IQSEC1: variants seen among roughly 807,000 people sequenced by gnomAD.
IQSEC1 encodes IQ motif and SEC7 domain-containing protein 1.
IQSEC1 carries 31 observed loss-of-function variants against 91.0 expected under a neutral mutation model. That is an observed-to-expected ratio of 0.34 (90% CI 0.26 to 0.46). IQSEC1 has a LOEUF of 0.46. IQSEC1 is among the 20% of genes least tolerant of loss of function. IQSEC1 has a pLI of 1.00. For missense variants in IQSEC1, 1,388 were observed against 1,575.6 expected (o/e 0.88, Z 2.02); for synonymous variants, 699 against 662.6 (o/e 1.05, Z -0.84).
In IQSEC1 at chr3:13,282,408, G is replaced by A. The variant is rs945993214; in HGVS notation, c.272+303C>T. ...TCCGCCCGGCTCGTCCGAGCCCCGGGGGTCGCCAACCCTGAGTCCGCGCCG... is the reference window on the plus strand; with the variant it reads ...TCCGCCCGGCTCGTCCGAGCCCCGGAGGTCGCCAACCCTGAGTCCGCGCCG... On this transcript the variant is annotated intron_variant, in intron 1 of 15. Coordinates refer to the IQSEC1 transcript ENST00000648114. This position sits in a 1 kb window ranked among gnomAD's most constrained non-coding sequence, Gnocchi z 6.4. Among the ~76,000 whole-genome samples the A allele has an allele frequency of 3.9e-5, 6 of 152,010 alleles. No homozygotes were observed. Among genetic ancestry groups the A allele is most frequent in the Non-Finnish European group, 8.8e-5 (6 of 67,960 alleles).
At position 12,967,558 on chromosome 3, in the gene IQSEC1, A is replaced by C. The variant is rs1297088848; in HGVS notation, c.24-25693T>G. On this transcript the variant is annotated intron_variant, in intron 1 of 13. Transcript: ENST00000613206. The surrounding 1 kb of genome is among the most constrained non-coding windows in gnomAD (Gnocchi z 5.9). ...CGGATCCCGGGGCCGACACCCGGCCACCCGGAGACCCGACCACCCGCCACG... is the reference window on the plus strand; with the variant it reads ...CGGATCCCGGGGCCGACACCCGGCCCCCCGGAGACCCGACCACCCGCCACG... The C allele has an allele frequency of 7.4e-7, 1 of 1,343,904 alleles. No individual in the cohort carries two copies. Among genetic ancestry groups the C allele is most frequent in the East Asian group, 3.1e-5 (1 of 32,116 alleles). The allele number at this position is 1,343,904 out of a possible 1,614,324, so 83.2% of individuals were successfully genotyped here.
chr3:12,957,965 T>TTTC (rs1700018610), intron 1 of IQSEC1, among the ~76,000 whole-genome samples: 1 of 152,220 alleles, frequency 6.6e-6, no homozygotes, highest in Non-Finnish European at 1.5e-5. Context: ...CATCTTCCCA[T>TTTC]TTTGTGGATG....
At chr3:13,061,091 G>T (rs1020679289) in intron 1 of IQSEC1, among the ~76,000 whole-genome samples, 1 of 152,090 alleles carries the variant, frequency 6.6e-6, no homozygotes, top group African/African-American at 2.4e-5. Flanking sequence ...CCCAGGCCAC[G>T]CGTGGCCTGG....
intron 2 of IQSEC1, among the ~76,000 whole-genome samples, chr3:13,142,987 C>CAA (rs1706826345): frequency 6.6e-6 from 1 of 152,228 alleles, no homozygotes; most frequent in Admixed American, 6.5e-5. Context: ...GTTCTCTTTG[C>CAA]AAATGTCACC....
intron 13 of IQSEC1, 98 bp downstream of exon 13, chr3:12,902,675 A>AAAG (rs1694482463): frequency 1.8e-6 from 1 of 541,778 alleles, no homozygotes; most frequent in African/African-American, 2.0e-5. Flanking sequence ...AAAACCAAAA[A>AAAG]AAAAAAAAAA....
intron 3 of IQSEC1, among the ~76,000 whole-genome samples, chr3:12,932,694 C>T (rs1208766044): frequency 6.6e-6 from 1 of 152,216 alleles, no homozygotes; most frequent in Non-Finnish European, 1.5e-5. Context: ...CGGGTGCAGG[C>T]AGTGAGGCTC....
chr3:13,162,785 G>A (rs996316308), intron 2 of IQSEC1, among the ~76,000 whole-genome samples: 6 of 152,126 alleles, frequency 3.9e-5, no homozygotes, highest in Non-Finnish European at 5.9e-5. Context: ...TCAGGGCCAC[G>A]CTGTGTTCCA....
chr3:13,197,497 C>A (rs761510199), intron 1 of IQSEC1, among the ~76,000 whole-genome samples: 2 of 152,190 alleles, frequency 1.3e-5, no homozygotes, highest in African/African-American at 2.4e-5. Flanking sequence ...AGGCCACTCT[C>A]CACAAGGCTA....
intron 1 of IQSEC1, among the ~76,000 whole-genome samples, chr3:13,016,219 G>A (rs866723267): frequency 2.0e-5 from 3 of 152,244 alleles, no homozygotes; most frequent in East Asian, 1.9e-4. Flanking sequence ...GCCAGTGTCC[G>A]GGCCCAGGCC....
At chr3:13,142,235 C>T (rs1308862536) in intron 2 of IQSEC1, among the ~76,000 whole-genome samples, 1 of 152,210 alleles carries the variant, frequency 6.6e-6, no homozygotes, top group East Asian at 1.9e-4. Context: ...AGTGCATTTA[C>T]CCCAGGGCCT....
chr3:12,954,976 C>T (rs1699809716), intron 1 of IQSEC1, among the ~76,000 whole-genome samples: 1 of 151,286 alleles, frequency 6.6e-6, no homozygotes, highest in Non-Finnish European at 1.5e-5. Context: ...AGGGCTGCTG[C>T]TCTCTCATTT....
At chr3:13,243,678 C>G (rs562711186) in intron 1 of IQSEC1, among the ~76,000 whole-genome samples, 1 of 151,674 alleles carries the variant, frequency 6.6e-6, no homozygotes, top group African/African-American at 2.4e-5. Context: ...CCAGCAGGAG[C>G]CAATGCGCTT....
chr3:13,150,692 G>A (rs1448027876), intron 2 of IQSEC1, among the ~76,000 whole-genome samples: 1 of 152,206 alleles, frequency 6.6e-6, no homozygotes, highest in Non-Finnish European at 1.5e-5. Flanking sequence ...AGCACCTGGA[G>A]AGGACAGTGG....
At chr3:13,264,919 T>C (rs1361997932) in intron 1 of IQSEC1, among the ~76,000 whole-genome samples, 2 of 151,782 alleles carry the variant, frequency 1.3e-5, no homozygotes, top group Non-Finnish European at 2.9e-5. Context: ...TCTCTCCCTC[T>C]CTCTTTCTGT....
chr3:12,952,671 C>T (rs971303691), intron 1 of IQSEC1, among the ~76,000 whole-genome samples: 3 of 152,224 alleles, frequency 2.0e-5, no homozygotes, highest in Non-Finnish European at 4.4e-5. Flanking sequence ...TCCAGCCCAG[C>T]CCCCTGGCCT....
chr3:12,907,664 C>G (rs1695128711), intron 12 of IQSEC1, among the ~76,000 whole-genome samples: 1 of 152,264 alleles, frequency 6.6e-6, no homozygotes, highest in South Asian at 2.1e-4. Context: ...GCAAAAGCCC[C>G]TGAGCCTTGC....
rs1048182079 is a variant in IQSEC1 at position 12,899,805 on chromosome 3, C to T, written c.*1178G>A. ...TGATGAAAACACTCTCTGAGGGCTT[C>T]GGCCTGGTGTGGGTTGGAGGCGGGA... is the stretch of plus-strand genomic sequence containing the variant. On this transcript the variant is annotated 3_prime_UTR_variant, in exon 14 of 14. Transcript: ENST00000613206. The T allele has an allele frequency of 2.1e-5, 21 of 985,242 alleles. No homozygotes were observed. The highest frequency in any genetic ancestry group is 2.4e-5 in the Non-Finnish European group (20 of 829,934). 61.0% of individuals were successfully genotyped at this position (985,242 alleles called of 1,614,324 possible).
In IQSEC1 at chr3:12,941,533, C is replaced by T. The variant is rs368588171; in HGVS notation, c.318+38G>A. The stretch of plus-strand genomic sequence containing the variant: ...ACACATGGTGGGCAGAGCTGCCCTG[C>T]GCTTGCATGTGTGGCCTGAGGGGCT... On this transcript the variant is annotated intron_variant, in intron 2 of 13. Transcript: ENST00000613206. 5.3e-5 allele frequency: 80 copies of T among 1,500,966 alleles called. 1 individual carries two copies. The highest frequency in any genetic ancestry group is 1.6e-4 in the Admixed American group (8 of 48,586). 93.0% of individuals were successfully genotyped at this position (1,500,966 alleles called of 1,614,324 possible).
intron 12 of IQSEC1, among the ~76,000 whole-genome samples, chr3:12,907,544 A>G (rs892414646): frequency 2.6e-5 from 4 of 151,858 alleles, no homozygotes; most frequent in Non-Finnish European, 4.4e-5. Context: ...CCTCCCGTAC[A>G]CTCCTTGAGC....
Sources: allele counts gnomAD v4.1 joint callset (sites outside exome capture counted in the v4.1 genomes callset), GRCh38; gene constraint gnomAD v4.1.1; non-coding constraint Gnocchi (gnomAD v3.1); transcripts MANE v1.5; gene names NCBI Gene and HGNC (gene_info 2026-07-23, HGNC 2026-07-21).